The following ABCB7 variants were observed in gnomAD, a reference collection of about 807,000 sequenced individuals.
ABCB7 encodes the protein iron-sulfur clusters transporter ABCB7, mitochondrial.
Under a neutral mutation model 54.4 loss-of-function variants are expected in ABCB7, and 7 were observed. That is an observed-to-expected ratio of 0.13 (90% CI 0.07 to 0.24). The LOEUF (loss-of-function observed/expected upper bound fraction) is 0.24, where lower values mean the gene tolerates loss of function less well. Ranked by LOEUF, ABCB7 falls within the 10% of genes least tolerant of loss-of-function variation. The probability of loss-of-function intolerance (pLI) is 1.00; values close to 1 mark genes in which losing one functional copy is unlikely to be tolerated. For synonymous variants in ABCB7, 218 were observed against 207.1 expected, an observed-to-expected ratio of 1.05 and a Z score of -0.45; for missense variants, 356 against 570.4, an observed-to-expected ratio of 0.62 and a Z score of 3.83.
intron 3 of ABCB7, among the ~76,000 whole-genome samples, chrX:75,107,138 C>T (rs1298259352): frequency 9.0e-6 from 1 of 111,219 alleles, no homozygotes; most frequent in South Asian, 3.8e-4. Context: ...AGAAACAGGA[C>T]GAAACTCAGC....
chrX:75,080,159 A>G (rs1315313620), intron 4 of ABCB7, among the ~76,000 whole-genome samples: 1 of 112,291 alleles, frequency 8.9e-6, no homozygotes, highest in Non-Finnish European at 1.9e-5. Flanking sequence ...TACTATCAGT[A>G]AAGATGTTAT....
At position 75,052,971 on chromosome X, in the gene ABCB7, CCT is replaced by C. The variant is rs2081207079; in HGVS notation, c.*397_*398del. On this transcript the variant is annotated 3_prime_UTR_variant, in exon 16 of 16. Transcript: ENST00000373394. ...AGAAGAAACAATGAACCTACACTATCCTCTTTTTCTTTCATGTTAAGAAACAG... is the reference window on the plus strand; with the variant it reads ...AGAAGAAACAATGAACCTACACTATCCTTTTTCTTTCATGTTAAGAAACAG... The C allele has an allele frequency of 1.2e-5, 2 of 161,703 alleles. No homozygotes were observed. The highest frequency in any genetic ancestry group is 6.3e-5 in the African/African-American group (2 of 31,913). 13.3% of individuals were successfully genotyped at this position (161,703 alleles called of 1,213,427 possible).
intron 4 of ABCB7, among the ~76,000 whole-genome samples, chrX:75,083,711 AAT>A (rs34534753): frequency 4.7e-5 from 5 of 105,477 alleles, no homozygotes; most frequent in Admixed American, 2.0e-4. Flanking sequence ...TAAAACTACA[AAT>A]ATATATATAT....
At chrX:75,084,429 T>A (rs2081480127) in intron 4 of ABCB7, among the ~76,000 whole-genome samples, 1 of 111,720 alleles carries the variant, frequency 9.0e-6, no homozygotes, top group East Asian at 2.8e-4. Flanking sequence ...TACCTAAACC[T>A]CATATAAGAA....
intron 4 of ABCB7, among the ~76,000 whole-genome samples, chrX:75,090,590 A>G (rs2081536273): frequency 9.1e-6 from 1 of 110,393 alleles, no homozygotes; most frequent in Non-Finnish European, 1.9e-5. Flanking sequence ...GAAAAAAAAA[A>G]GCGCAAAAAA....
chrX:75,104,334 C>T lies in ABCB7; in HGVS notation c.334-5273G>A, dbSNP rs1404842072. On this transcript the variant is annotated intron_variant, in intron 3 of 15. Transcript: ENST00000373394. Reference sequence around the variant, plus strand: ...AAGAACAAAATATAAGATTCAAATACGTGTAATCAGAAATGGAAAAGGAGA... The same window carrying T: ...AAGAACAAAATATAAGATTCAAATATGTGTAATCAGAAATGGAAAAGGAGA... 2.8e-5 allele frequency among the ~76,000 whole-genome samples: 3 copies of T among 108,086 alleles called. No homozygotes were observed. The Admixed American group carries it at 3.0e-4, about 11-fold the overall frequency. The allele number at this position is 108,086 out of a possible 115,157, so 93.9% of individuals were successfully genotyped here.
intron 1 of ABCB7, among the ~76,000 whole-genome samples, chrX:75,137,078 C>A (rs2082015288): frequency 1.8e-5 from 2 of 111,850 alleles, no homozygotes; most frequent in African/African-American, 6.5e-5. Flanking sequence ...AAAGAAACAA[C>A]CAACTGAGTA....
At chrX:75,064,435 T>C (rs1379565086) in intron 13 of ABCB7, among the ~76,000 whole-genome samples, 2 of 110,319 alleles carry the variant, frequency 1.8e-5, no homozygotes, top group Non-Finnish European at 3.8e-5. Context: ...AATTTGGGGG[T>C]AAAGAAACAT....
chrX:75,088,494 AAAAC>A (rs1207503922), intron 4 of ABCB7, among the ~76,000 whole-genome samples: 1 of 112,199 alleles, frequency 8.9e-6, no homozygotes, highest in Non-Finnish European at 1.9e-5. Flanking sequence ...CAAGAAATCA[AAAAC>A]ACTCTAACAG....
rs751274919 is a variant in ABCB7, at chrX:75,098,543, T to G, written c.453+399A>C. On this transcript the variant is annotated intron_variant, in intron 4 of 15. Coordinates refer to ENST00000373394, the MANE Select transcript of ABCB7 (RefSeq NM_001271696.3). ...TTGATATTAAGCTGTTGCTTATTAC[T>G]TATGGCTATCAGTGTTCCTAAAATG... Among the ~76,000 whole-genome samples, 3 of 111,059 alleles carry G rather than the reference T, an allele frequency of 2.7e-5. No homozygotes were observed. The South Asian group carries it at 1.2e-3, about 43-fold the overall frequency.
intron 1 of ABCB7, 66 bp from the exon 2 acceptor site, chrX:75,114,897 C>T: frequency 1.1e-6 from 1 of 898,015 alleles, no homozygotes; most frequent in Non-Finnish European, 1.6e-6. Flanking sequence ...AAGATTATTT[C>T]CTTTGTTCAT....
chrX:75,070,893 G>A (rs756620214), intron 9 of ABCB7, among the ~76,000 whole-genome samples: 7 of 110,458 alleles, frequency 6.3e-5, no homozygotes, highest in South Asian at 7.7e-4. Context: ...TAGATATCAC[G>A]ATTAAGGATG....
At chrX:75,058,002 G>T (rs1319392856) in intron 15 of ABCB7, among the ~76,000 whole-genome samples, 1 of 110,647 alleles carries the variant, frequency 9.0e-6, no homozygotes, top group Non-Finnish European at 1.9e-5. Flanking sequence ...GTAATTTCCT[G>T]ATAAGTAAAT....
rs1204711911 is a variant in ABCB7 at position 75,075,342 on chromosome X, A to G, written c.855+20T>C. On this transcript the variant is annotated intron_variant, in intron 6 of 15. Coordinates refer to ENST00000373394, the MANE Select transcript of ABCB7 (RefSeq NM_001271696.3). The stretch of plus-strand genomic sequence containing the variant: ...TGAGAATTTAAGATAAAAGCTTGTT[A>G]TGAAAAATGTTTAACTTACCAAAAC... The G allele has an allele frequency of 8.3e-7, 1 of 1,202,448 alleles. No homozygotes were observed. The highest frequency in any genetic ancestry group is 3.0e-5 in the East Asian group (1 of 33,547).
At chrX:75,149,954 G>A (rs965949031) in intron 1 of ABCB7, among the ~76,000 whole-genome samples, 2 of 111,746 alleles carry the variant, frequency 1.8e-5, no homozygotes, top group African/African-American at 3.3e-5. Flanking sequence ...GGTATTTGTA[G>A]AGAAACAGTT....
At chrX:75,139,382 T>G (rs2082038543) in intron 1 of ABCB7, among the ~76,000 whole-genome samples, 2 of 111,977 alleles carry the variant, frequency 1.8e-5, no homozygotes, top group Admixed American at 1.9e-4. Context: ...TGAGTTATCT[T>G]GCCTAGAATG....
chrX:75,153,773 T>TATATATATATAA lies in ABCB7; in HGVS notation c.168+2331_168+2332insTTATATATATAT, dbSNP rs1315348493. The stretch of plus-strand genomic sequence containing the variant: ...GTGTGTGTGTGTGTATATATATATA[T>TATATATATATAA]AAAATATATATGTGTGTGTGTATAT... On this transcript the variant is annotated intron_variant, in intron 1 of 15. Coordinates refer to ENST00000373394, the MANE Select transcript of ABCB7 (RefSeq NM_001271696.3). Among the ~76,000 whole-genome samples, 61 of 91,334 alleles carry TATATATATATAA rather than the reference T, an allele frequency of 6.7e-4. 1 individual carries two copies. Among genetic ancestry groups the TATATATATATAA allele is most frequent in the Non-Finnish European group, 1.8e-4 (8 of 44,599 alleles). The allele number at this position is 91,334 out of a possible 115,157, so 79.3% of individuals were successfully genotyped here. A position where few individuals can be genotyped will look rare whatever the true frequency, so the allele number is the denominator to read the frequency against.
chrX:75,086,435 G>A (rs1304806815), intron 4 of ABCB7, among the ~76,000 whole-genome samples: 4 of 111,167 alleles, frequency 3.6e-5, no homozygotes, highest in African/African-American at 1.3e-4. Context: ...TTTAATTATC[G>A]CTTTTCCCAT....
At chrX:75,084,887 T>A (rs1199331678) in intron 4 of ABCB7, among the ~76,000 whole-genome samples, 1 of 111,651 alleles carries the variant, frequency 9.0e-6, no homozygotes, top group African/African-American at 3.3e-5. Context: ...CTGCTCAATA[T>A]CCCAGGCCTT....
Sources: gnomAD v4.1 joint callset for allele counts (sites outside exome capture counted in the v4.1 genomes callset) on GRCh38, gnomAD v4.1.1 for gene constraint, MANE v1.5 for transcripts, NCBI Gene and HGNC (gene_info 2026-07-23, HGNC 2026-07-21) for gene names.